STARD5: variants seen among roughly 807,000 people sequenced by gnomAD.
The protein encoded by STARD5 is stAR-related lipid transfer protein 5.
Under a neutral mutation model 24.6 loss-of-function variants are expected in STARD5, and 26 were observed. The ratio of observed to expected loss-of-function variants is 1.06; its 90% confidence interval spans 0.77 to 1.47. STARD5 has a LOEUF of 1.47. STARD5 is among the 40% of genes most tolerant of loss of function. The pLI is 0.00. For synonymous variants in STARD5, 101 were observed against 99.7 expected (o/e 1.01, Z -0.07); for missense variants, 254 against 270.8 (o/e 0.94, Z 0.44).
At chr15:81,323,383 G>A in intron 1 of STARD5, 1 of 296,650 alleles carries the variant, frequency 3.4e-6, no homozygotes, top group Non-Finnish European at 6.2e-6. Context: ...GACAAAGAGA[G>A]GGGTTCATGC....
rs906713799 is a variant in STARD5, at chr15:81,312,318, G to T, written c.*938C>A. The T allele has an allele frequency of 6.6e-6, 1 of 152,306 alleles. No homozygotes were observed. The highest frequency in any genetic ancestry group is 2.4e-5 in the African/African-American group (1 of 41,474). 9.4% of individuals were successfully genotyped at this position (152,306 alleles called of 1,614,324 possible). A position where few individuals can be genotyped will look rare whatever the true frequency, so the allele number is the denominator to read the frequency against. ...GTCTTGCAGCAGGATCTAGAGGGGG[G>T]ATTTCCAGCCAGGGCTGCTAGACGG... On this transcript the variant is annotated 3_prime_UTR_variant, in exon 6 of 6. Transcript: ENST00000302824.
intron 5 of STARD5, among the ~76,000 whole-genome samples, chr15:81,315,344 T>C (rs1409346761): frequency 6.6e-6 from 1 of 152,072 alleles, no homozygotes; most frequent in Non-Finnish European, 1.5e-5. Context: ...CCATGTGGGA[T>C]GGGACAAACT....
intron 4 of STARD5, among the ~76,000 whole-genome samples, chr15:81,318,769 C>T (rs1901135263): frequency 6.6e-6 from 1 of 152,204 alleles, no homozygotes. Flanking sequence ...CACATTCACA[C>T]ATAAACATGC....
Position 81,322,408 on chromosome 15 carries a change from G to T in STARD5, c.282C>A (p.Asp94Glu). ...AGATAACATGCTTGGAAAGACTTAC[G>T]TCAGTGATGCTTTGGATAATTTCAA... is the stretch of plus-strand genomic sequence containing the variant. ...TGFEIIQSIT[D>E]TLCVSRTSTP... The change falls in exon 3 of 6, where the codon GAC (aspartate) becomes GAA (glutamate). Residue 94 changes from aspartate (D) to glutamate (E), a missense_variant and splice_region_variant. Asp to Glu is a conservative substitution (Grantham distance 45, BLOSUM62 2). Coordinates refer to ENST00000302824, the MANE Select transcript of STARD5 (RefSeq NM_181900.3). 2 of 1,614,160 alleles carry T rather than the reference G, an allele frequency of 1.2e-6. No homozygotes were observed. The highest frequency in any genetic ancestry group is 8.5e-7 in the Non-Finnish European group (1 of 1,180,030).
chr15:81,322,670 G>C, intron 2 of STARD5, 130 bp from the exon 3 acceptor site: 1 of 1,463,136 alleles, frequency 6.8e-7, no homozygotes, highest in African/African-American at 1.4e-5. Context: ...GCAGAGAAGG[G>C]GCTGAAAGTC....
In STARD5 at chr15:81,314,908, A is replaced by AAAAC. The variant is rs1555426041; in HGVS notation, c.495-1506_495-1505insGTTT. On this transcript the variant is annotated intron_variant, in intron 5 of 5. Transcript: ENST00000302824. The stretch of plus-strand genomic sequence containing the variant: ...CCTCAAAAAAGAAAAAAAAAAAAAA[A>AAAAC]AAAAAAAGAATCTCACTCTTCAAGT... Among the ~76,000 whole-genome samples, 314 of 146,220 alleles carry AAAAC rather than the reference A, an allele frequency of 2.1e-3. 2 individuals are homozygous for AAAAC. The highest frequency in any genetic ancestry group is 3.3e-3 in the African/African-American group (130 of 38,938).
intron 5 of STARD5, among the ~76,000 whole-genome samples, chr15:81,314,821 G>C (rs1901040117): frequency 6.7e-6 from 1 of 148,680 alleles, no homozygotes; most frequent in Non-Finnish European, 1.5e-5. Flanking sequence ...GGGAGGCGGA[G>C]GTTGCAGTGA....
At chr15:81,319,894 G>A (rs888019794) in intron 3 of STARD5, among the ~76,000 whole-genome samples, 3 of 152,178 alleles carry the variant, frequency 2.0e-5, no homozygotes, top group Non-Finnish European at 2.9e-5. Context: ...TTTGAACAGG[G>A]CCAGAGCTAG....
chr15:81,316,530 T>C (rs1008229727), intron 5 of STARD5, among the ~76,000 whole-genome samples: 2 of 152,180 alleles, frequency 1.3e-5, no homozygotes, highest in Non-Finnish European at 2.9e-5. Context: ...ATTCTTATTT[T>C]AAAAATGAGG....
At chr15:81,320,935 C>T (rs1281307554) in intron 3 of STARD5, among the ~76,000 whole-genome samples, 2 of 152,194 alleles carry the variant, frequency 1.3e-5, no homozygotes, top group African/African-American at 4.8e-5. Context: ...CACCTATCAT[C>T]GATCATCTAT....
chr15:81,323,765 T>C (rs1893335363), intron 1 of STARD5: 2 of 722,822 alleles, frequency 2.8e-6, no homozygotes, highest in South Asian at 1.7e-5. Context: ...CCAGGTGACC[T>C]TGGGCAAGTC....
At position 81,310,573 on chromosome 15, in the gene STARD5, G is replaced by A. The variant is rs1270487008; in HGVS notation, c.*2683C>T. The stretch of plus-strand genomic sequence containing the variant: ...TTGAAGATGAACATAATCTACCAAC[G>A]AAAGACGTGATTCAATTCAACACTC... On this transcript the variant is annotated 3_prime_UTR_variant, in exon 6 of 6. Transcript: ENST00000302824. 3.3e-5 allele frequency: 5 copies of A among 152,138 alleles called. No homozygotes were observed. The highest frequency in any genetic ancestry group is 1.2e-4 in the African/African-American group (5 of 41,420). The allele number at this position is 152,138 out of a possible 1,614,324, so 9.4% of individuals were successfully genotyped here. A position where few individuals can be genotyped will look rare whatever the true frequency, so the allele number is the denominator to read the frequency against.
chr15:81,319,562 G>C (rs1901153740), intron 3 of STARD5, 106 bp from the exon 4 acceptor site: 3 of 942,092 alleles, frequency 3.2e-6, no homozygotes, highest in Non-Finnish European at 5.2e-6. Context: ...CTGACAGTAG[G>C]GTGGCACTAT....
intron 5 of STARD5, among the ~76,000 whole-genome samples, chr15:81,315,900 T>C (rs558703219): frequency 1.3e-5 from 2 of 152,276 alleles, no homozygotes; most frequent in South Asian, 4.1e-4. Flanking sequence ...CAGGGCATCA[T>C]AGCAGTTAAG....
At chr15:81,319,914 A>G (rs940952232) in intron 3 of STARD5, among the ~76,000 whole-genome samples, 7 of 152,174 alleles carry the variant, frequency 4.6e-5, no homozygotes, top group Admixed American at 4.6e-4. Flanking sequence ...GGGAGAGGGA[A>G]GAGAGGCCAC....
chr15:81,318,635 T>G, intron 4 of STARD5, 133 bp from the exon 5 acceptor site: 1 of 734,188 alleles, frequency 1.4e-6, no homozygotes, highest in Non-Finnish European at 2.3e-6. Context: ...CCTCTTGGCG[T>G]GAGTTCCCCC....
At position 81,314,684 on chromosome 15, in the gene STARD5, G is replaced by A. The variant is rs190093373; in HGVS notation, c.495-1281C>T. 4.8e-3 allele frequency among the ~76,000 whole-genome samples: 733 copies of A among 152,084 alleles called. 10 individuals are homozygous for A. The highest frequency in any genetic ancestry group is 0.017 in the African/African-American group (706 of 41,488). ...GTGGATCACCTGAGGTCAGGAGTTC[G>A]AGACCAATCTGGACAACAAGGGGAA... On this transcript the variant is annotated intron_variant, in intron 5 of 5. Transcript: ENST00000302824.
At position 81,313,290 on chromosome 15, in the gene STARD5, T is replaced by C. The variant is rs1900961758; in HGVS notation, c.608A>G (p.Asn203Ser). The C allele has an allele frequency of 1.9e-6, 3 of 1,578,828 alleles. No homozygotes were observed. The highest frequency in any genetic ancestry group is 1.2e-5 in the South Asian group (1 of 84,578). The change falls in exon 6 of 6, where the codon AAC (asparagine) becomes AGC (serine). Residue 203 changes from asparagine (N) to serine (S), a missense_variant. Coordinates refer to ENST00000302824, the MANE Select transcript of STARD5 (RefSeq NM_181900.3). Reference protein sequence around the residue: ...FPRSMTRFYANLQKAVKQFHE With the variant: ...FPRSMTRFYASLQKAVKQFHE Reference sequence around the variant, plus strand: ...GAATTGCTTCACTGCTTTCTGAAGGTTGGCATAAAACCGGGTCATGCTGCG... The same window carrying C: ...GAATTGCTTCACTGCTTTCTGAAGGCTGGCATAAAACCGGGTCATGCTGCG...
chr15:81,319,175 C>T (rs555435222), intron 4 of STARD5, among the ~76,000 whole-genome samples, 164 bp downstream of exon 4: 3 of 152,150 alleles, frequency 2.0e-5, no homozygotes, highest in Non-Finnish European at 4.4e-5. Flanking sequence ...GTCAGACCCC[C>T]ATGGCCCTGA....
Sources: gnomAD v4.1 joint callset for allele counts (sites outside exome capture counted in the v4.1 genomes callset) on GRCh38, gnomAD v4.1.1 for gene constraint, MANE v1.5 for transcripts, NCBI Gene and HGNC (gene_info 2026-07-23, HGNC 2026-07-21) for gene names.